JARID2: variants seen among roughly 807,000 people sequenced by gnomAD.
JARID2 encodes protein Jumonji.
JARID2 carries 21 observed loss-of-function variants against 125.6 expected under a neutral mutation model. That is an observed-to-expected ratio of 0.17 (90% CI 0.12 to 0.24). The LOEUF is 0.24. Among genes scored for constraint, JARID2 ranks in the 10% least tolerant of loss-of-function variants. The pLI, the probability that JARID2 is intolerant of heterozygous loss-of-function variation, is 1.00. For missense variants in JARID2, 1,303 were observed against 1,639.6 expected (o/e 0.79, Z 3.55); for synonymous variants, 736 against 661.6 (o/e 1.11, Z -1.73).
intron 1 of JARID2, among the ~76,000 whole-genome samples, chr6:15,340,051 C>A (rs979305634): frequency 6.6e-6 from 1 of 151,970 alleles, no homozygotes; most frequent in Non-Finnish European, 1.5e-5. Context: ...CCTCTGACTC[C>A]CGGGTTCATG....
At chr6:15,302,955 C>G (rs1761686407) in intron 1 of JARID2, among the ~76,000 whole-genome samples, 1 of 152,010 alleles carries the variant, frequency 6.6e-6, no homozygotes, top group Non-Finnish European at 1.5e-5. Context: ...AACTCCTGAC[C>G]TCAGGTGATC....
intron 2 of JARID2, among the ~76,000 whole-genome samples, chr6:15,377,871 C>A (rs1764419592): frequency 7.1e-6 from 1 of 139,990 alleles, no homozygotes; most frequent in Non-Finnish European, 1.5e-5. Flanking sequence ...GTTTTTTTTT[C>A]AATTTTTTTT....
At chr6:15,494,655 G>T (rs145186631) in intron 6 of JARID2, among the ~76,000 whole-genome samples, 39 of 152,076 alleles carry the variant, frequency 2.6e-4, no homozygotes, top group African/African-American at 9.4e-4. Context: ...TGATCCACCC[G>T]CCTCGGCCTC....
intron 16 of JARID2, 120 bp downstream of exon 16, chr6:15,513,542 T>A: frequency 2.0e-6 from 2 of 999,368 alleles, no homozygotes; most frequent in Non-Finnish European, 2.9e-6. Flanking sequence ...CTCCCATCTC[T>A]GGAGCCGGCT....
chr6:15,511,622 C>T (rs62396139), intron 13 of JARID2, among the ~76,000 whole-genome samples: 10,022 of 152,208 alleles, frequency 0.066, 419 homozygotes, highest in East Asian at 0.095. Flanking sequence ...TGTTTTGGGG[C>T]TTGTTTGTGT....
intron 1 of JARID2, chr6:15,247,808 T>C: frequency 1.0e-6 from 1 of 985,402 alleles, no homozygotes; most frequent in Non-Finnish European, 1.2e-6. Context: ...CAAGCCCAAC[T>C]TAGAAAGCTG....
intron 4 of JARID2, 144 bp downstream of exon 4, chr6:15,452,319 A>AC: frequency 8.4e-7 from 1 of 1,188,888 alleles, no homozygotes; most frequent in Non-Finnish European, 1.1e-6. Context: ...AAAGTGAGAA[A>AC]TCCCACCGAG....
At chr6:15,518,678 T>C (rs1183133302) in intron 17 of JARID2, among the ~76,000 whole-genome samples, 1 of 152,134 alleles carries the variant, frequency 6.6e-6, no homozygotes, top group African/African-American at 2.4e-5. Flanking sequence ...GACAGGGTTT[T>C]ACCATGTTGG....
intron 3 of JARID2, among the ~76,000 whole-genome samples, chr6:15,421,153 C>A (rs144491571): frequency 2.3e-4 from 35 of 152,270 alleles, no homozygotes; most frequent in Admixed American, 5.9e-4. Flanking sequence ...CCTGGACATT[C>A]TCTCAGGGCA....
At chr6:15,373,331 G>A (rs1764239405) in intron 1 of JARID2, among the ~76,000 whole-genome samples, 2 of 151,946 alleles carry the variant, frequency 1.3e-5, no homozygotes, top group Admixed American at 1.3e-4. Context: ...ATATCTTTAT[G>A]ACTGGAATTG....
intron 1 of JARID2, among the ~76,000 whole-genome samples, chr6:15,303,968 C>A (rs1458176888): frequency 6.6e-6 from 1 of 152,138 alleles, no homozygotes; most frequent in East Asian, 1.9e-4. Context: ...AGTGATAATT[C>A]GTTTAAGCTG....
At chr6:15,254,526 GGGAC>G (rs1759578444) in intron 1 of JARID2, among the ~76,000 whole-genome samples, 1 of 152,130 alleles carries the variant, frequency 6.6e-6, no homozygotes, top group Non-Finnish European at 1.5e-5. Context: ...ACATAATCAT[GGGAC>G]AGATGCGGGT....
intron 5 of JARID2, among the ~76,000 whole-genome samples, chr6:15,482,794 C>A (rs1769685326): frequency 6.6e-6 from 1 of 152,214 alleles, no homozygotes; most frequent in Admixed American, 6.5e-5. Flanking sequence ...TATCAGTGAA[C>A]TTTTCATACT....
rs60218567 is a variant in JARID2, at chr6:15,494,413, C to CTTTTTTTTTTTTTTTT, written c.907-1714_907-1699dup. 9.9e-5 allele frequency among the ~76,000 whole-genome samples: 8 copies of CTTTTTTTTTTTTTTTT among 80,584 alleles called. 2 individuals are homozygous for CTTTTTTTTTTTTTTTT. Among genetic ancestry groups the CTTTTTTTTTTTTTTTT allele is most frequent in the South Asian group, 1.1e-3 (2 of 1,874 alleles). 52.9% of individuals were successfully genotyped at this position (80,584 alleles called of 152,430 possible). A position where few individuals can be genotyped will look rare whatever the true frequency, so the allele number is the denominator to read the frequency against. ...ACTGGTTTGGATGTTTTTGGCAAGT[C>CTTTTTTTTTTTTTTTT]TTTTTTTTTTTTTTTTTTTTGAGAC... On this transcript the variant is annotated intron_variant, in intron 6 of 17. Transcript: ENST00000341776.
chr6:15,335,472 A>C (rs75305046), intron 1 of JARID2, among the ~76,000 whole-genome samples: 5,065 of 152,178 alleles, frequency 0.033, 129 homozygotes, highest in Admixed American at 0.068. Flanking sequence ...TCAGCCTCCT[A>C]TAGTGCTGTT....
At chr6:15,404,519 G>GCGCACACACA (rs1193569035) in intron 2 of JARID2, among the ~76,000 whole-genome samples, 2 of 138,270 alleles carry the variant, frequency 1.4e-5, no homozygotes, top group African/African-American at 5.6e-5. Flanking sequence ...ATCTTAAAGT[G>GCGCACACACA]CACACACACA....
intron 3 of JARID2, among the ~76,000 whole-genome samples, chr6:15,446,367 G>T (rs1341811492): frequency 6.6e-6 from 1 of 152,178 alleles, no homozygotes; most frequent in African/African-American, 2.4e-5. Flanking sequence ...TACTGCTTTA[G>T]GATGGTCACC....
At chr6:15,367,538 G>T (rs1049697958) in intron 1 of JARID2, among the ~76,000 whole-genome samples, 5 of 152,020 alleles carry the variant, frequency 3.3e-5, no homozygotes, top group Admixed American at 6.6e-5. Flanking sequence ...AACATCTCTG[G>T]CTACTAACAC....
chr6:15,369,889 T>C (rs1470722071), intron 1 of JARID2, among the ~76,000 whole-genome samples: 3 of 152,172 alleles, frequency 2.0e-5, no homozygotes, highest in Admixed American at 2.0e-4. Context: ...GCAAAGTGGC[T>C]GAGGAACGAG....
Sources: gnomAD v4.1 joint callset for allele counts (sites outside exome capture counted in the v4.1 genomes callset) on GRCh38, gnomAD v4.1.1 for gene constraint, MANE v1.5 for transcripts, NCBI Gene and HGNC (gene_info 2026-07-23, HGNC 2026-07-21) for gene names.